PCM1: variants seen among roughly 807,000 people sequenced by gnomAD.
PCM1 encodes the protein pericentriolar material 1 protein.
In PCM1, 157 loss-of-function variants were observed where a neutral mutation model predicts 241.9. The observed-to-expected ratio is 0.65, with a 90% CI of 0.57 to 0.74. The LOEUF is 0.74. Among genes scored for constraint, PCM1 ranks in the 30% least tolerant of loss-of-function variants. The probability of loss-of-function intolerance (pLI) is 0.00; values close to 1 mark genes in which losing one functional copy is unlikely to be tolerated. For synonymous variants in PCM1, 1,085 were observed against 784.9 expected (o/e 1.38, Z -6.39); for missense variants, 3,478 against 2,360.1 (o/e 1.47, Z -9.81).
At chr8:17,992,860 G>C (rs1048909101) in intron 28 of PCM1, among the ~76,000 whole-genome samples, 1 of 150,542 alleles carries the variant, frequency 6.6e-6, no homozygotes, top group African/African-American at 2.4e-5. Flanking sequence ...CAAGTGATCT[G>C]CCCACCTCAG....
Position 18,019,033 on chromosome 8 carries a change from C to G in PCM1, c.5841+4193C>G, listed in dbSNP as rs527394843. On this transcript the variant is annotated intron_variant, in intron 36 of 38. Coordinates refer to ENST00000325083, the MANE Select transcript of PCM1 (RefSeq NM_006197.4). ...CCTAACACTTTGTTATCTAATGTGC[C>G]TACAGATTCTAAATGGTTCACAGTG... Among the ~76,000 whole-genome samples, 223 of 151,694 alleles carry G rather than the reference C, an allele frequency of 1.5e-3. 2 individuals carry two copies. The highest frequency in any genetic ancestry group is 5.2e-3 in the African/African-American group (213 of 41,356).
At chr8:17,945,490 G>A (rs1472695331) in intron 6 of PCM1, among the ~76,000 whole-genome samples, 1 of 152,118 alleles carries the variant, frequency 6.6e-6, no homozygotes, top group African/African-American at 2.4e-5. Flanking sequence ...ATGTTTACAT[G>A]AAATAATCTA....
intron 37 of PCM1, 28 bp from the exon 38 acceptor site, chr8:18,025,516 A>C (rs1196581980): frequency 2.0e-6 from 3 of 1,532,774 alleles, no homozygotes; most frequent in Non-Finnish European, 2.7e-6. Context: ...ATGAAAAATG[A>C]TTTGTATTTT....
chr8:17,956,405 A>T (rs2068510162), intron 10 of PCM1, among the ~76,000 whole-genome samples, 199 bp from the exon 11 acceptor site: 1 of 152,188 alleles, frequency 6.6e-6, no homozygotes, highest in African/African-American at 2.4e-5. Context: ...CAGCATAAGA[A>T]AATAATGTGA....
At chr8:17,947,563 A>G (rs1273999105) in intron 7 of PCM1, among the ~76,000 whole-genome samples, 200 bp downstream of exon 7, 2 of 152,188 alleles carry the variant, frequency 1.3e-5, no homozygotes, top group African/African-American at 4.8e-5. Context: ...ATACTATACC[A>G]TGCAGATAGC....
At chr8:17,927,840 C>T (rs538932794) in intron 2 of PCM1, 1 of 145,500 alleles carries the variant, frequency 6.9e-6, no homozygotes, top group South Asian at 2.2e-4. Flanking sequence ...TGAGCCACCG[C>T]GCCCAGCCTA....
At chr8:17,963,845 C>A (rs757438991) in intron 17 of PCM1, among the ~76,000 whole-genome samples, 1 of 152,150 alleles carries the variant, frequency 6.6e-6, no homozygotes, top group African/African-American at 2.4e-5. Context: ...TTATGACCTT[C>A]CCTTTTGATA....
Position 18,010,648 on chromosome 8 carries a change from G to C in PCM1, c.5200G>C (p.Glu1734Gln). The C allele has an allele frequency of 6.2e-7, 1 of 1,603,166 alleles. No homozygotes were observed. The highest frequency in any genetic ancestry group is 1.1e-5 in the South Asian group (1 of 88,878). Residue 1734 changes from glutamate (E) to glutamine (Q), a missense_variant, in exon 32 of 39, where the codon GAG becomes CAG. By Grantham distance (29) the Glu-to-Gln change is conservative. Transcript: ENST00000325083. ...ILEDHGSPAGEIDDEDKDKDE... is the reference protein window; with the variant it reads ...ILEDHGSPAGQIDDEDKDKDE... Reference sequence around the variant, plus strand: ...TGAAGATCATGGCTCACCTGCTGGAGAGATTGATGATGAAGACAAAGTATG... The same window carrying C: ...TGAAGATCATGGCTCACCTGCTGGACAGATTGATGATGAAGACAAAGTATG...
chr8:17,988,304 CTT>C (rs1158942976), intron 26 of PCM1, among the ~76,000 whole-genome samples: 3 of 151,748 alleles, frequency 2.0e-5, no homozygotes, highest in Non-Finnish European at 4.4e-5. Context: ...AGATAGGAAA[CTT>C]TAAAAAGATC....
chr8:17,990,822 C>G (rs2084351997), intron 27 of PCM1, among the ~76,000 whole-genome samples: 1 of 152,058 alleles, frequency 6.6e-6, no homozygotes, highest in African/African-American at 2.4e-5. Flanking sequence ...CATTACATTC[C>G]TACTGTTCGC....
At chr8:17,943,502 T>C (rs1472552807) in intron 6 of PCM1, among the ~76,000 whole-genome samples, 1 of 152,202 alleles carries the variant, frequency 6.6e-6, no homozygotes, top group African/African-American at 2.4e-5. Context: ...GAGTTAACAG[T>C]TAATGCAGTA....
intron 7 of PCM1, among the ~76,000 whole-genome samples, chr8:17,948,704 A>G (rs972163371): frequency 1.8e-4 from 28 of 152,204 alleles, no homozygotes; most frequent in Non-Finnish European, 7.4e-5. Context: ...TAAAATTTAA[A>G]GTACCATTAG....
intron 29 of PCM1, among the ~76,000 whole-genome samples, chr8:18,005,766 G>T (rs1755846283): frequency 6.6e-6 from 1 of 152,114 alleles, no homozygotes; most frequent in African/African-American, 2.4e-5. Flanking sequence ...GGGAGGAGGT[G>T]TTACTGGCAT....
intron 22 of PCM1, 24 bp from the exon 23 acceptor site, chr8:17,972,305 T>C (rs780067606): frequency 7.1e-5 from 97 of 1,374,184 alleles, no homozygotes; most frequent in Middle Eastern, 1.9e-4. Context: ...TGTTAACTTA[T>C]AAAAACTTGT....
intron 21 of PCM1, among the ~76,000 whole-genome samples, 182 bp downstream of exon 21, chr8:17,967,352 A>G (rs1438677975): frequency 6.7e-6 from 1 of 148,810 alleles, no homozygotes; most frequent in Admixed American, 6.8e-5. Flanking sequence ...CTTCTTGTCC[A>G]GGCTGGAATG....
chr8:17,999,435 G>C (rs915976221), intron 29 of PCM1, among the ~76,000 whole-genome samples: 2 of 152,122 alleles, frequency 1.3e-5, no homozygotes, highest in Admixed American at 6.5e-5. Flanking sequence ...TTCTGGGCCA[G>C]AGTGTATCTA....
chr8:17,984,639 C>G (rs1231024931), intron 24 of PCM1, among the ~76,000 whole-genome samples: 4 of 151,838 alleles, frequency 2.6e-5, no homozygotes, highest in African/African-American at 4.8e-5. Flanking sequence ...TCTTATTCCT[C>G]TCACAAAAAT....
chr8:17,926,621 G>C (rs2057062894), intron 2 of PCM1: 1 of 152,184 alleles, frequency 6.6e-6, no homozygotes, highest in Admixed American at 6.5e-5. Flanking sequence ...GTGGAGTTTA[G>C]CCAGAATTGA....
chr8:18,026,096 G>A (rs1200067036), intron 38 of PCM1, among the ~76,000 whole-genome samples: 1 of 130,046 alleles, frequency 7.7e-6, no homozygotes, highest in African/African-American at 2.8e-5. Flanking sequence ...CCCAGGAGGT[G>A]GGGCTTGCGG....
Sources: gnomAD v4.1 joint callset for allele counts (sites outside exome capture counted in the v4.1 genomes callset) on GRCh38, gnomAD v4.1.1 for gene constraint, MANE v1.5 for transcripts, NCBI Gene and HGNC (gene_info 2026-07-23, HGNC 2026-07-21) for gene names.